The following DCAF5 variants were observed in gnomAD, a reference collection of about 807,000 sequenced individuals.
DCAF5 encodes the protein DDB1 and CUL4 associated factor 5.
In DCAF5, 9 loss-of-function variants were observed where a neutral mutation model predicts 80.7. The observed-to-expected ratio is 0.11, with a 90% CI of 0.07 to 0.19. The LOEUF is 0.19. Ranked by LOEUF, DCAF5 falls within the 10% of genes least tolerant of loss-of-function variation. The pLI is 1.00. For missense variants in DCAF5, 842 were observed against 1,205.7 expected (o/e 0.70, Z 4.47); for synonymous variants, 433 against 461.9 (o/e 0.94, Z 0.80).
chr14:69,132,732 C>A (rs1047873185), intron 1 of DCAF5, among the ~76,000 whole-genome samples: 4 of 150,846 alleles, frequency 2.7e-5, no homozygotes, highest in African/African-American at 1.0e-4. Context: ...TAGCACAGCA[C>A]AGCATTCAAA....
intron 4 of DCAF5, among the ~76,000 whole-genome samples, chr14:69,116,750 T>C (rs1053788331): frequency 6.6e-6 from 1 of 152,070 alleles, no homozygotes; most frequent in African/African-American, 2.4e-5. Flanking sequence ...AGCTATCAGA[T>C]CTTGACACAA....
chr14:69,121,483 T>A (rs1477401696), intron 2 of DCAF5, among the ~76,000 whole-genome samples: 1 of 152,238 alleles, frequency 6.6e-6, no homozygotes. Flanking sequence ...AATGGTTAAT[T>A]GTCAGCAATT....
chr14:69,085,059 A>T, intron 6 of DCAF5: 1 of 1,191,178 alleles, frequency 8.4e-7, no homozygotes, highest in South Asian at 1.2e-5. Context: ...AATTTCTGAC[A>T]TTCAGTCTCA....
intron 5 of DCAF5, among the ~76,000 whole-genome samples, chr14:69,094,982 CA>C (rs1162745242): frequency 6.6e-6 from 1 of 152,096 alleles, no homozygotes; most frequent in Non-Finnish European, 1.5e-5. Context: ...GAAAACAAGG[CA>C]GAGAAAAAAG....
intron 4 of DCAF5, among the ~76,000 whole-genome samples, chr14:69,116,937 A>G (rs958406983): frequency 2.6e-5 from 4 of 152,202 alleles, no homozygotes; most frequent in African/African-American, 9.6e-5. Flanking sequence ...AAGATTAAAA[A>G]AAACAATGAC....
intron 1 of DCAF5, among the ~76,000 whole-genome samples, chr14:69,138,312 A>C (rs2041255561): frequency 6.6e-6 from 1 of 152,198 alleles, no homozygotes; most frequent in Admixed American, 6.5e-5. Flanking sequence ...CCTCCTGAGT[A>C]ATGTTCTTGG....
chr14:69,118,289 A>G lies in DCAF5; in HGVS notation c.396-11T>C. 1.2e-6 allele frequency: 2 copies of G among 1,613,486 alleles called. No individual in the cohort carries two copies. On this transcript the variant is annotated splice_polypyrimidine_tract_variant and intron_variant, in intron 3 of 8. Coordinates refer to ENST00000341516, the MANE Select transcript of DCAF5 (RefSeq NM_003861.3). The surrounding 1 kb of genome is among the most constrained non-coding windows in gnomAD (Gnocchi z 4.0). ...TCCAATGTCTCACTGCTGGGAGATA[A>G]GAGAGCAAGACAGAGGCACACACAT...
chr14:69,101,921 T>C (rs1371775211), intron 5 of DCAF5, among the ~76,000 whole-genome samples: 6 of 152,130 alleles, frequency 3.9e-5, no homozygotes, highest in Admixed American at 2.0e-4. Context: ...GTATCCACCA[T>C]GAATAGCGCT....
chr14:69,149,414 A>T (rs535343602), intron 1 of DCAF5: 1 of 152,262 alleles, frequency 6.6e-6, no homozygotes, highest in East Asian at 1.9e-4. Flanking sequence ...TCATAATTTC[A>T]CTTCCAAGCA....
chr14:69,140,125 G>A (rs1233289441), intron 1 of DCAF5, among the ~76,000 whole-genome samples: 1 of 151,932 alleles, frequency 6.6e-6, no homozygotes, highest in Non-Finnish European at 1.5e-5. Flanking sequence ...AAATTAGCTG[G>A]GCATGGTGGT....
Position 69,084,195 on chromosome 14 carries a change from A to G in DCAF5, c.879+7479T>C, listed in dbSNP as rs2039227850. 4.2e-6 allele frequency: 4 copies of G among 953,810 alleles called. No individual in the cohort carries two copies. The East Asian group carries it at 7.2e-5, about 17-fold the overall frequency. 59.1% of individuals were successfully genotyped at this position (953,810 alleles called of 1,614,324 possible). A position where few individuals can be genotyped will look rare whatever the true frequency, so the allele number is the denominator to read the frequency against. The stretch of plus-strand genomic sequence containing the variant: ...ATGCAAACTTTTGGTGTTCTTAAGG[A>G]GCTAATGAGTCACCACGTGCATACC... On this transcript the variant is annotated intron_variant, in intron 6 of 8. Transcript: ENST00000341516.
intron 7 of DCAF5, among the ~76,000 whole-genome samples, chr14:69,070,182 C>G (rs755062069): frequency 6.6e-6 from 1 of 152,120 alleles, no homozygotes; most frequent in Non-Finnish European, 1.5e-5. Context: ...TCTGGAAAAG[C>G]AACTCAACCT....
chr14:69,115,391 G>A (rs1389702663), intron 5 of DCAF5, among the ~76,000 whole-genome samples: 1 of 152,118 alleles, frequency 6.6e-6, no homozygotes, highest in Non-Finnish European at 1.5e-5. Flanking sequence ...AATCACCTAG[G>A]AGTAAAAATC....
rs184118643 is a variant in DCAF5 at position 69,083,613 on chromosome 14, G to C, written c.879+8061C>G. On this transcript the variant is annotated intron_variant, in intron 6 of 8. Transcript: ENST00000341516. The stretch of plus-strand genomic sequence containing the variant: ...TATCAGATGCTCAAAATGGAGATGT[G>C]TCTCAAGAAGCAGTGGAAAATATAA... The C allele has an allele frequency of 6.9e-5, 37 of 536,130 alleles. No homozygotes were observed. In the African/African-American group the frequency reaches 7.2e-4, roughly 10 times the overall value. The allele number at this position is 536,130 out of a possible 1,614,324, so 33.2% of individuals were successfully genotyped here.
intron 7 of DCAF5, among the ~76,000 whole-genome samples, chr14:69,069,189 C>CA (rs2038585713): frequency 6.6e-6 from 1 of 152,050 alleles, no homozygotes; most frequent in Admixed American, 6.5e-5. Flanking sequence ...TATGCAGGCC[C>CA]AAAAAAATGC....
chr14:69,085,278 G>C (rs1373375692), intron 6 of DCAF5: 2 of 716,970 alleles, frequency 2.8e-6, no homozygotes, highest in African/African-American at 1.8e-5. Context: ...AGCAGAAAAA[G>C]CGAGTAGGCA....
intron 5 of DCAF5, among the ~76,000 whole-genome samples, chr14:69,094,066 C>G (rs1034571757): frequency 6.6e-6 from 1 of 152,146 alleles, no homozygotes; most frequent in African/African-American, 2.4e-5. Flanking sequence ...AATCCAACAT[C>G]AGTATGGAGT....
intron 5 of DCAF5, 101 bp downstream of exon 5, chr14:69,116,265 A>G: frequency 1.4e-6 from 2 of 1,386,024 alleles, no homozygotes; most frequent in Non-Finnish European, 2.0e-6. Context: ...CCCAGCAGAG[A>G]TAACTGCCAA....
chr14:69,150,474 G>T (rs1450169193), intron 1 of DCAF5, among the ~76,000 whole-genome samples: 1 of 152,148 alleles, frequency 6.6e-6, no homozygotes, highest in Non-Finnish European at 1.5e-5. Flanking sequence ...ACAGGGGAGC[G>T]TCCTGCCCAA....
Sources: gnomAD v4.1 joint callset for allele counts (sites outside exome capture counted in the v4.1 genomes callset) on GRCh38, gnomAD v4.1.1 for gene constraint, Gnocchi (gnomAD v3.1) non-coding constraint, MANE v1.5 for transcripts, NCBI Gene and HGNC (gene_info 2026-07-23, HGNC 2026-07-21) for gene names.